The following ABCA13 variants were observed in gnomAD, a reference collection of about 807,000 sequenced individuals.
The protein encoded by ABCA13 is ATP binding cassette subfamily A member 13.
In ABCA13, 476 loss-of-function variants were observed where a neutral mutation model predicts 478.7. The observed-to-expected ratio is 0.99, with a 90% CI of 0.92 to 1.07. The LOEUF is 1.07. ABCA13 is among the 50% of genes least tolerant of loss of function. The pLI, the probability that ABCA13 is intolerant of heterozygous loss-of-function variation, is 0.00. For synonymous variants in ABCA13, 2,252 were observed against 2,158.9 expected (o/e 1.04, Z -1.20); for missense variants, 6,060 against 5,910.6 (o/e 1.03, Z -0.83).
chr7:48,422,323 T>A (rs1820882780), intron 41 of ABCA13, among the ~76,000 whole-genome samples: 1 of 152,186 alleles, frequency 6.6e-6, no homozygotes, highest in South Asian at 2.1e-4. Flanking sequence ...GACAGCCTGC[T>A]GTCTTGTTAA....
chr7:48,496,429 A>G (rs1225663905), intron 48 of ABCA13, among the ~76,000 whole-genome samples: 1 of 152,118 alleles, frequency 6.6e-6, no homozygotes, highest in Non-Finnish European at 1.5e-5. Context: ...ACCACATCAG[A>G]TGGTGTTCTA....
At position 48,234,034 on chromosome 7, in the gene ABCA13, GT is replaced by G; in HGVS notation, c.781del (p.Ser261ProfsTer5). 6.2e-7 allele frequency: 1 copy of G among 1,614,020 alleles called. No individual in the cohort carries two copies. Among genetic ancestry groups the G allele is most frequent in the Non-Finnish European group, 8.5e-7 (1 of 1,179,890 alleles). On this transcript the variant is annotated frameshift_variant, in exon 8 of 62. Coordinates refer to ENST00000435803, the MANE Select transcript of ABCA13 (RefSeq NM_152701.5). LOFTEE classifies it high-confidence loss of function. ...VAVTEPVYHLSMQNIVWDPQK... is the reference protein window; with the variant it reads ...VAVTEPVYHLXMQNIVWDPQK... Reference sequence around the variant, plus strand: ...TTCCAACAGAGCCAGTTTACCACCTGTCCATGCAGAATATAGTGTGGGATCC... The same window carrying G: ...TTCCAACAGAGCCAGTTTACCACCTGCCATGCAGAATATAGTGTGGGATCC...
Position 48,398,141 on chromosome 7 carries a change from T to C in ABCA13, c.11874-5542T>C, listed in dbSNP as rs560068758. 3.3e-5 allele frequency among the ~76,000 whole-genome samples: 5 copies of C among 152,200 alleles called. No homozygotes were observed. In the South Asian group the frequency reaches 1.0e-3, roughly 32 times the overall value. On this transcript the variant is annotated intron_variant, in intron 38 of 61. Coordinates refer to ENST00000435803, the MANE Select transcript of ABCA13 (RefSeq NM_152701.5). ...ATAGCTAGGTATCTTATGGACTATA[T>C]ATTATGAGATAGCAAATTGGCTATG...
intron 20 of ABCA13, among the ~76,000 whole-genome samples, chr7:48,290,241 C>A (rs6949307): frequency 0.6 from 91,017 of 151,980 alleles, 28,003 homozygotes; most frequent in African/African-American, 0.74. Context: ...ATTTCCTGGG[C>A]TAAGCTGAGT....
rs752800316 is a variant in ABCA13, at chr7:48,272,491, A to G, written c.2825A>G (p.Asp942Gly). The G allele has an allele frequency of 1.2e-6, 2 of 1,613,808 alleles. No individual in the cohort carries two copies. The highest frequency in any genetic ancestry group is 2.2e-5 in the South Asian group (2 of 91,080). The change falls in exon 17 of 62, where the codon GAT becomes GGT. Residue 942 changes from aspartate (D) to glycine (G), a missense_variant. Transcript: ENST00000435803. Reference protein sequence around the residue: ...ALSEPQKQEVDKILTHIHLNV... With the variant: ...ALSEPQKQEVGKILTHIHLNV... ...TCTGAACCACAAAAACAAGAAGTTGATAAAATTTTGACTCACATACACCTA... is the reference window on the plus strand; with the variant it reads ...TCTGAACCACAAAAACAAGAAGTTGGTAAAATTTTGACTCACATACACCTA...
chr7:48,229,676 C>A, intron 6 of ABCA13, 149 bp from the exon 7 acceptor site: 1 of 879,152 alleles, frequency 1.1e-6, no homozygotes, highest in South Asian at 1.8e-5. Context: ...ACATTAAAGC[C>A]ACAAAGAATG....
chr7:48,182,661 CA>C (rs1276587173), intron 1 of ABCA13, among the ~76,000 whole-genome samples: 1 of 151,780 alleles, frequency 6.6e-6, no homozygotes, highest in African/African-American at 2.4e-5. Context: ...CTACTCCTCA[CA>C]AAAAAAGAGA....
At chr7:48,304,192 T>G (rs1342073075) in intron 23 of ABCA13, among the ~76,000 whole-genome samples, 1 of 152,224 alleles carries the variant, frequency 6.6e-6, no homozygotes, top group African/African-American at 2.4e-5. Context: ...TGGATAGTTT[T>G]TATTTCCATC....
At chr7:48,437,514 T>G (rs1187793600) in intron 42 of ABCA13, among the ~76,000 whole-genome samples, 2 of 152,090 alleles carry the variant, frequency 1.3e-5, no homozygotes, top group African/African-American at 4.8e-5. Context: ...TATATTGCTT[T>G]CCTGATTTTC....
chr7:48,518,994 G>A (rs1832334262), intron 52 of ABCA13, among the ~76,000 whole-genome samples: 1 of 151,794 alleles, frequency 6.6e-6, no homozygotes, highest in African/African-American at 2.4e-5. Flanking sequence ...GCCCCAGTGT[G>A]TGTTGTTCCT....
chr7:48,548,015 G>C lies in ABCA13; in HGVS notation c.14354+19670G>C, dbSNP rs145070972. The stretch of plus-strand genomic sequence containing the variant: ...TTGCTAACACACTACCTGTGGTGTG[G>C]CTTCTGTCATCCACGATGTCTTTTG... On this transcript the variant is annotated intron_variant, in intron 55 of 61. Transcript: ENST00000435803. Among the ~76,000 whole-genome samples the C allele has an allele frequency of 2.9e-3, 437 of 151,922 alleles. 19 individuals are homozygous for C. The highest frequency in any genetic ancestry group is 0.025 in the Admixed American group (386 of 15,196).
rs1172251211 is a variant in ABCA13 at position 48,646,927 on chromosome 7, A to G, written c.*1415A>G. ...TGTAGAGTGCTCAGATGTGGCTCTTAAAGACTATATACATCTGAATTTTTC... is the reference window on the plus strand; with the variant it reads ...TGTAGAGTGCTCAGATGTGGCTCTTGAAGACTATATACATCTGAATTTTTC... On this transcript the variant is annotated 3_prime_UTR_variant, in exon 62 of 62. Transcript: ENST00000435803. 6.6e-6 allele frequency: 1 copy of G among 152,182 alleles called. No homozygotes were observed. Among genetic ancestry groups the G allele is most frequent in the East Asian group, 1.9e-4 (1 of 5,188 alleles). 9.4% of individuals were successfully genotyped at this position (152,182 alleles called of 1,614,324 possible).
intron 42 of ABCA13, among the ~76,000 whole-genome samples, chr7:48,433,525 T>C (rs1822427570): frequency 6.6e-6 from 1 of 150,648 alleles, no homozygotes; most frequent in Non-Finnish European, 1.5e-5. Flanking sequence ...TGGTAAAATA[T>C]ACATAATATA....
intron 15 of ABCA13, among the ~76,000 whole-genome samples, chr7:48,258,401 T>TA (rs1002710879): frequency 6.6e-6 from 1 of 151,806 alleles, no homozygotes; most frequent in African/African-American, 2.4e-5. Flanking sequence ...TTGAGGCTTT[T>TA]AAAAAAAAAT....
At chr7:48,467,831 C>T (rs7781930) in intron 44 of ABCA13, among the ~76,000 whole-genome samples, 92,490 of 151,996 alleles carry the variant, frequency 0.61, 28,972 homozygotes, top group African/African-American at 0.77. Flanking sequence ...TTCTAATTTG[C>T]GATGACATAT....
chr7:48,561,372 A>G (rs1185958504), intron 55 of ABCA13, among the ~76,000 whole-genome samples: 2 of 152,096 alleles, frequency 1.3e-5, no homozygotes, highest in Non-Finnish European at 2.9e-5. Context: ...AATAGCATGT[A>G]AGGGTTCCCT....
At chr7:48,577,609 A>C (rs539662407) in intron 55 of ABCA13, among the ~76,000 whole-genome samples, 1 of 152,288 alleles carries the variant, frequency 6.6e-6, no homozygotes, top group South Asian at 2.1e-4. Flanking sequence ...TAAAAGCAAA[A>C]GCACTAGACT....
chr7:48,529,081 C>T (rs539384644), intron 55 of ABCA13, among the ~76,000 whole-genome samples: 4 of 152,302 alleles, frequency 2.6e-5, no homozygotes, highest in East Asian at 3.9e-4. Context: ...GGTGCCTTCA[C>T]GCCCCTTTCT....
At chr7:48,292,310 A>G (rs1798652310) in intron 20 of ABCA13, among the ~76,000 whole-genome samples, 1 of 152,058 alleles carries the variant, frequency 6.6e-6, no homozygotes, top group Admixed American at 6.5e-5. Flanking sequence ...TATTTTTTTC[A>G]GTTAGAAAAC....
Sources: allele counts gnomAD v4.1 joint callset (sites outside exome capture counted in the v4.1 genomes callset), GRCh38; gene constraint gnomAD v4.1.1; transcripts MANE v1.5; gene names NCBI Gene and HGNC (gene_info 2026-07-23, HGNC 2026-07-21).